Variants in MRC2 observed in about 807,000 individuals in gnomAD.
MRC2 encodes mannose receptor C-type 2.
In MRC2, 84 loss-of-function variants were observed where a neutral mutation model predicts 206.2. That is an observed-to-expected ratio of 0.41 (90% confidence interval 0.34 to 0.49). The LOEUF (loss-of-function observed/expected upper bound fraction) is 0.49. Ranked by LOEUF, MRC2 falls within the 20% of genes least tolerant of loss-of-function variation. The pLI, the probability that MRC2 is intolerant of heterozygous loss-of-function variation, is 0.31. For synonymous variants in MRC2, 798 were observed against 800.0 expected (o/e 1.00, Z 0.04); for missense variants, 1,676 against 2,001.5 (o/e 0.84, Z 3.10).
Position 62,680,279 on chromosome 17 carries a change from A to G in MRC2, c.2408A>G (p.Gln803Arg). 1.2e-6 allele frequency: 2 copies of G among 1,614,074 alleles called. No homozygotes were observed. The highest frequency in any genetic ancestry group is 1.7e-6 in the Non-Finnish European group (2 of 1,179,976). ...TGGGTGGCCATGCAGTGCGACACAC[A>G]GCTGGACTGGATCTGCAAGATCCCC... Reference protein sequence around the residue: ...LQWVAMQCDTQLDWICKIPRG... With the variant: ...LQWVAMQCDTRLDWICKIPRG... Residue 803 changes from glutamine (Q) to arginine (R), a missense_variant, in exon 15 of 30, where the codon CAG becomes CGG. By Grantham distance (43) the Gln-to-Arg change is conservative (BLOSUM62 1). Coordinates refer to ENST00000303375, the MANE Select transcript of MRC2 (RefSeq NM_006039.5). This position sits in a 1 kb window ranked among gnomAD's most constrained non-coding sequence, Gnocchi z 4.8.
intron 1 of MRC2, among the ~76,000 whole-genome samples, chr17:62,636,303 C>T (rs1460367593): frequency 6.6e-6 from 1 of 150,822 alleles, no homozygotes; most frequent in Non-Finnish European, 1.5e-5. Flanking sequence ...TCAAACCATA[C>T]ACAAGTAAGT....
intron 1 of MRC2, among the ~76,000 whole-genome samples, chr17:62,650,739 G>C (rs2088546403): frequency 6.6e-6 from 1 of 152,190 alleles, no homozygotes; most frequent in Non-Finnish European, 1.5e-5. Flanking sequence ...TTAATGCCTG[G>C]CATTCTTTGT....
chr17:62,669,868 C>T (rs1310098627), intron 6 of MRC2, among the ~76,000 whole-genome samples: 1 of 152,230 alleles, frequency 6.6e-6, no homozygotes, highest in Non-Finnish European at 1.5e-5. Context: ...TTCAGGACTG[C>T]TGACCACTGC....
At chr17:62,677,533 CAA>C in intron 12 of MRC2, 47 bp downstream of exon 12, 6 of 1,494,630 alleles carry the variant, frequency 4.0e-6, no homozygotes, top group Non-Finnish European at 5.4e-6. Context: ...AGGACAGGAG[CAA>C]AGAGACAGTT....
At chr17:62,631,063 A>G (rs941550382) in intron 1 of MRC2, among the ~76,000 whole-genome samples, 1 of 151,846 alleles carries the variant, frequency 6.6e-6, no homozygotes, top group Non-Finnish European at 1.5e-5. Flanking sequence ...TTTGGCCCCC[A>G]TTTTTCGCAC....
At position 62,680,425 on chromosome 17, in the gene MRC2, C is replaced by A. The variant is rs201862140; in HGVS notation, c.2445C>A (p.Asp815Glu). The A allele has an allele frequency of 6.2e-7, 1 of 1,613,998 alleles. No homozygotes were observed. Among genetic ancestry groups the A allele is most frequent in the African/African-American group, 1.3e-5 (1 of 74,926 alleles). ...DWICKIPRGT[D>E]VREPDDSPQG... ...TTGTCCTTGTTCCCCTAGGTACGGA[C>A]GTGCGGGAGCCCGACGACAGCCCTC... Residue 815 changes from aspartate (D) to glutamate (E), a missense_variant, in exon 16 of 30, where the codon GAC becomes GAA. Asp to Glu is a conservative substitution (Grantham distance 45, BLOSUM62 2). Around this residue, in one of 3 missense-constraint regions of MRC2, gnomAD observed 1,354 missense variants for 1,636.6 expected, o/e 0.83. Transcript: ENST00000303375. This position sits in a 1 kb window ranked among gnomAD's most constrained non-coding sequence, Gnocchi z 4.8.
At chr17:62,636,917 T>G (rs2147431197) in intron 1 of MRC2, among the ~76,000 whole-genome samples, 1 of 151,298 alleles carries the variant, frequency 6.6e-6, no homozygotes, top group East Asian at 2.0e-4. Context: ...CAATGGACAC[T>G]TTTGAAAACT....
At chr17:62,637,061 CTT>C (rs1398756061) in intron 1 of MRC2, among the ~76,000 whole-genome samples, 1 of 151,794 alleles carries the variant, frequency 6.6e-6, no homozygotes, top group Non-Finnish European at 1.5e-5. Flanking sequence ...TCGATGTAAA[CTT>C]TCTGAATTTA....
chr17:62,642,737 A>G (rs2088422527), intron 1 of MRC2, among the ~76,000 whole-genome samples: 1 of 152,164 alleles, frequency 6.6e-6, no homozygotes. Flanking sequence ...GTGAACCACC[A>G]TGGCTGGCCT....
In MRC2 at chr17:62,692,201, T is replaced by C. The variant is rs1314442407; in HGVS notation, c.4220-30T>C. 1.9e-6 allele frequency: 3 copies of C among 1,613,682 alleles called. No individual in the cohort carries two copies. Among genetic ancestry groups the C allele is most frequent in the Non-Finnish European group, 1.7e-6 (2 of 1,179,838 alleles). On this transcript the variant is annotated intron_variant, in intron 29 of 29. Transcript: ENST00000303375. This position sits in a 1 kb window ranked among gnomAD's most constrained non-coding sequence, Gnocchi z 4.2. The stretch of plus-strand genomic sequence containing the variant: ...AAGCACTGCTGGGCCTAACGCCCAC[T>C]TGGCCTTTCACGCCCACTCGCCTTG...
chr17:62,677,153 G>C (rs910094360), intron 11 of MRC2, 116 bp from the exon 12 acceptor site: 4 of 791,322 alleles, frequency 5.1e-6, no homozygotes, highest in Non-Finnish European at 6.0e-6. Flanking sequence ...TGTCTCTGAA[G>C]AGGTGGCCAA....
chr17:62,639,579 CT>C (rs1598967134), intron 1 of MRC2, among the ~76,000 whole-genome samples: 5 of 152,084 alleles, frequency 3.3e-5, no homozygotes, highest in African/African-American at 1.2e-4. Flanking sequence ...CATAATTTTA[CT>C]TTTGGTAATT....
rs562287453 is a variant in MRC2, at chr17:62,685,826, G to A, written c.2947-2463G>A. On this transcript the variant is annotated intron_variant, in intron 20 of 29. Transcript: ENST00000303375. Reference sequence around the variant, plus strand: ...CAAAGGGCAGGGATTACAGGTGTGCGCCACTGTGCCTGGCCTGTGGAAAGC... The same window carrying A: ...CAAAGGGCAGGGATTACAGGTGTGCACCACTGTGCCTGGCCTGTGGAAAGC... Among the ~76,000 whole-genome samples, 15 of 152,302 alleles carry A rather than the reference G, an allele frequency of 9.8e-5. No homozygotes were observed. In the South Asian group the frequency reaches 1.7e-3, roughly 17 times the overall value.
rs35446845 is a variant in MRC2 at position 62,635,191 on chromosome 17, C to CTTTTTT, written c.118+7287_118+7292dup. Among the ~76,000 whole-genome samples, 548 of 101,690 alleles carry CTTTTTT rather than the reference C, an allele frequency of 5.4e-3. 11 individuals carry two copies. Among genetic ancestry groups the CTTTTTT allele is most frequent in the African/African-American group, 0.02 (522 of 26,154 alleles). The allele number at this position is 101,690 out of a possible 152,430, so 66.7% of individuals were successfully genotyped here. On this transcript the variant is annotated intron_variant, in intron 1 of 29. Coordinates refer to ENST00000303375, the MANE Select transcript of MRC2 (RefSeq NM_006039.5). ...CCTGTTACTTCATTGCTATTTTTCT[C>CTTTTTT]TTTTTTTTTTTTTTTTTTTTTCAGA...
intron 13 of MRC2, 150 bp from the exon 14 acceptor site, chr17:62,679,650 G>C: frequency 3.1e-6 from 2 of 641,196 alleles, no homozygotes; most frequent in Non-Finnish European, 5.4e-6. Context: ...CCTCAACGCT[G>C]TATCGATGGG....
Position 62,672,503 on chromosome 17 carries a change from A to AC in MRC2, c.1461+352dup, listed in dbSNP as rs2147472703. Among the ~76,000 whole-genome samples the AC allele has an allele frequency of 6.6e-6, 1 of 152,228 alleles. No individual in the cohort carries two copies. The highest frequency in any genetic ancestry group is 2.1e-4 in the South Asian group (1 of 4,820). ...CTGCCAGAAGGTGGCATCAGAACCC[A>AC]CATTATGTGCAGATACTTTGCAAGC... On this transcript the variant is annotated intron_variant, in intron 8 of 29. Transcript: ENST00000303375. This position sits in a 1 kb window ranked among gnomAD's most constrained non-coding sequence, Gnocchi z 4.5.
In MRC2 at chr17:62,675,584, C is replaced by T. The variant is rs1245456456; in HGVS notation, c.1570-206C>T. Among the ~76,000 whole-genome samples the T allele has an allele frequency of 1.3e-5, 2 of 152,176 alleles. No homozygotes were observed. The highest frequency in any genetic ancestry group is 1.9e-4 in the East Asian group (1 of 5,196). On this transcript the variant is annotated intron_variant, in intron 9 of 29. Transcript: ENST00000303375. The surrounding 1 kb of genome is among the most constrained non-coding windows in gnomAD (Gnocchi z 4.1). ...CAGCCACGCTGGGGCTGGGCCTCCA[C>T]CCCAGCTTCCACAGCTGTGGGTGAT...
rs1410418233 is a variant in MRC2, at chr17:62,652,456, C to G, written c.119-12092C>G. On this transcript the variant is annotated intron_variant, in intron 1 of 29. Transcript: ENST00000303375. This position sits in a 1 kb window ranked among gnomAD's most constrained non-coding sequence, Gnocchi z 4.6. ...GCCCCCGCGCTCCGGGTCCCATTCC[C>G]GAATTCTGCCCTCAGCGGCCTGGTC... Among the ~76,000 whole-genome samples, 1 of 152,216 alleles carries G rather than the reference C, an allele frequency of 6.6e-6. No individual in the cohort carries two copies. The highest frequency in any genetic ancestry group is 1.5e-5 in the Non-Finnish European group (1 of 68,046).
At chr17:62,686,508 T>C (rs1299739876) in intron 20 of MRC2, among the ~76,000 whole-genome samples, 2 of 152,032 alleles carry the variant, frequency 1.3e-5, no homozygotes, top group African/African-American at 4.8e-5. Context: ...GCCCTGCTGA[T>C]CCAACAGGAG....
Sources: allele counts gnomAD v4.1 joint callset (sites outside exome capture counted in the v4.1 genomes callset), GRCh38; gene constraint gnomAD v4.1.1; regional missense constraint gnomAD v4.1.1; non-coding constraint Gnocchi (gnomAD v3.1); transcripts MANE v1.5; gene names NCBI Gene and HGNC (gene_info 2026-07-23, HGNC 2026-07-21).